NR1D1: variants seen among roughly 807,000 people sequenced by gnomAD.
NR1D1 encodes Rev-ErbAalpha.
A neutral mutation model predicts 51.1 loss-of-function variants in NR1D1; 17 were observed. That is an observed-to-expected ratio of 0.33 (90% CI 0.23 to 0.50). The LOEUF (loss-of-function observed/expected upper bound fraction) is 0.50, where lower values mean the gene tolerates loss of function less well. NR1D1 is among the 20% of genes least tolerant of loss of function. The probability of loss-of-function intolerance (pLI) is 0.98; values close to 1 mark genes in which losing one functional copy is unlikely to be tolerated. For missense variants in NR1D1, 647 were observed against 830.4 expected, an observed-to-expected ratio of 0.78 and a Z score of 2.71; for synonymous variants, 341 against 333.4, an observed-to-expected ratio of 1.02 and a Z score of -0.25.
At chr17:40,094,372 T>C (rs1987703089) in intron 6 of NR1D1, among the ~76,000 whole-genome samples, 1 of 152,170 alleles carries the variant, frequency 6.6e-6, no homozygotes, top group Admixed American at 6.5e-5. Context: ...TAATCTGCTC[T>C]TGTCTAGAAT....
Position 40,100,481 on chromosome 17 carries a change from G to A in NR1D1, c.-387C>T. 1 of 457,762 alleles carries A rather than the reference G, an allele frequency of 2.2e-6. No individual in the cohort carries two copies. The highest frequency in any genetic ancestry group is 3.9e-6 in the Non-Finnish European group (1 of 258,670). The allele number at this position is 457,762 out of a possible 1,614,324, so 28.4% of individuals were successfully genotyped here. A position where few individuals can be genotyped will look rare whatever the true frequency, so the allele number is the denominator to read the frequency against. On this transcript the variant is annotated 5_prime_UTR_variant, in exon 1 of 8. Coordinates refer to ENST00000246672, the MANE Select transcript of NR1D1 (RefSeq NM_021724.5). ...CCGGTGCAAAAGTCCCAGAGGAAGA[G>A]AGGTTGCAACCAGGAAGTAAGTAGG...
chr17:40,099,290 T>C (rs924961668), intron 1 of NR1D1, among the ~76,000 whole-genome samples: 2 of 152,140 alleles, frequency 1.3e-5, no homozygotes, highest in Non-Finnish European at 2.9e-5. Context: ...CCCCGAACGA[T>C]AGCAGGGCCA....
At chr17:40,099,471 C>T (rs979690166) in intron 1 of NR1D1, among the ~76,000 whole-genome samples, 1 of 152,100 alleles carries the variant, frequency 6.6e-6, no homozygotes, top group East Asian at 1.9e-4. Flanking sequence ...CATGTGAGCC[C>T]TCCCGGCGGC....
At chr17:40,094,219 CG>C in intron 6 of NR1D1, 97 bp from the exon 7 acceptor site, 1 of 1,088,108 alleles carries the variant, frequency 9.2e-7, no homozygotes. Context: ...GTGCTGCCTT[CG>C]ATTTCTCAGT....
chr17:40,096,174 C>CCT (rs1987759174), intron 4 of NR1D1, 87 bp from the exon 5 acceptor site: 7 of 1,529,212 alleles, frequency 4.6e-6, no homozygotes, highest in Non-Finnish European at 6.2e-6. Flanking sequence ...GGGCAAGGCC[C>CCT]TGAAGGCTTG....
Position 40,092,852 on chromosome 17 carries a change from G to A in NR1D1, c.*231C>T, listed in dbSNP as rs551768610. On this transcript the variant is annotated 3_prime_UTR_variant, in exon 8 of 8. Coordinates refer to ENST00000246672, the MANE Select transcript of NR1D1 (RefSeq NM_021724.5). ...GAACAAATCAGAGGGCCAGGGGAGG[G>A]TTGTGGGGGAGACAGAGTGGTTTAA... is the stretch of plus-strand genomic sequence containing the variant. The A allele has an allele frequency of 2.1e-6, 2 of 963,342 alleles. No individual in the cohort carries two copies. Among genetic ancestry groups the A allele is most frequent in the African/African-American group, 3.3e-5 (2 of 60,372 alleles). 59.7% of individuals were successfully genotyped at this position (963,342 alleles called of 1,614,324 possible).
Position 40,095,955 on chromosome 17 carries a change from G to A in NR1D1, c.737C>T (p.Thr246Ile). 1 of 1,611,662 alleles carries A rather than the reference G, an allele frequency of 6.2e-7. No individual in the cohort carries two copies. Among genetic ancestry groups the A allele is most frequent in the Non-Finnish European group, 8.5e-7 (1 of 1,179,568 alleles). Reference sequence around the variant, plus strand: ...TGGCGAGGGGCCCATGGGGCCTGGGGTGGGGTGCTGGGTGGGTGAAGTCTC... The same window carrying A: ...TGGCGAGGGGCCCATGGGGCCTGGGATGGGGTGCTGGGTGGGTGAAGTCTC... ...PLETSPTQHP[T>I]PGPMGPSPPP... The change falls in exon 5 of 8, where the codon ACC becomes ATC. Residue 246 changes from threonine to isoleucine, a missense_variant. Physicochemically the swap from Thr to Ile is moderately conservative, Grantham distance 89 (BLOSUM62 -1). Around this residue, in one of 7 missense-constraint regions of NR1D1, gnomAD observed 48 missense variants for 42.9 expected, o/e 1.12. Transcript: ENST00000246672.
At chr17:40,096,868 G>T in intron 2 of NR1D1, 89 bp from the exon 3 acceptor site, 1 of 1,403,422 alleles carries the variant, frequency 7.1e-7, no homozygotes, top group Non-Finnish European at 1.0e-6. Flanking sequence ...GATCCAGGGA[G>T]GGAAAAGCTA....
chr17:40,097,082 C>T lies in NR1D1; in HGVS notation c.353G>A (p.Ser118Asn), dbSNP rs1247193939. The stretch of plus-strand genomic sequence containing the variant: ...GTACTCACTGGTGATGTTGCTGGTG[C>T]TCTTGCTGGGGGACACTCGGCTGCT... Reference protein sequence around the residue: ...EDSSRVSPSKSTSNITKLNGM... With the variant: ...EDSSRVSPSKNTSNITKLNGM... Residue 118 changes from serine to asparagine, a missense_variant, in exon 2 of 8, where the codon AGC becomes AAC. Physicochemically the swap from Ser to Asn is conservative, Grantham distance 46. Transcript: ENST00000246672. 7 of 1,600,574 alleles carry T rather than the reference C, an allele frequency of 4.4e-6. No individual in the cohort carries two copies. The highest frequency in any genetic ancestry group is 6.0e-6 in the Non-Finnish European group (7 of 1,172,846).
Position 40,095,635 on chromosome 17 carries a change from C to T in NR1D1, c.1057G>A (p.Glu353Lys), listed in dbSNP as rs761550425. The T allele has an allele frequency of 1.1e-5, 17 of 1,612,038 alleles. No individual in the cohort carries two copies. The highest frequency in any genetic ancestry group is 3.3e-5 in the South Asian group (3 of 90,846). The change falls in exon 5 of 8, where the codon GAG becomes AAG. Residue 353 changes from glutamate to lysine, a missense_variant. By Grantham distance (56) the Glu-to-Lys change is moderately conservative. Transcript: ENST00000246672. ...NNTLAAQRHN[E>K]ALNGLRQAPS... ...GCCTGGCGCAGACCATTTAGGGCCT[C>T]GTTATGACGCTGGGCAGCCAAGGTG... is the stretch of plus-strand genomic sequence containing the variant.
rs187313750 is a variant in NR1D1 at position 40,095,432 on chromosome 17, C to A, written c.1248+12G>T. ...ATCTTCTTAACGCACTCGCCCGCCC[C>A]CATGCCCTTACCAGCAGAACATTCT... On this transcript the variant is annotated intron_variant, in intron 5 of 7. Coordinates refer to ENST00000246672, the MANE Select transcript of NR1D1 (RefSeq NM_021724.5). 1,044 of 1,522,024 alleles carry A rather than the reference C, an allele frequency of 6.9e-4. No homozygotes were observed. The highest frequency in any genetic ancestry group is 8.7e-4 in the Non-Finnish European group (991 of 1,135,678). The allele number at this position is 1,522,024 out of a possible 1,614,324, so 94.3% of individuals were successfully genotyped here.
chr17:40,094,930 C>G lies in NR1D1; in HGVS notation c.1434+5G>C. 1 of 1,613,310 alleles carries G rather than the reference C, an allele frequency of 6.2e-7. No homozygotes were observed. The highest frequency in any genetic ancestry group is 8.5e-7 in the Non-Finnish European group (1 of 1,179,652). On this transcript the variant is annotated splice_donor_5th_base_variant and intron_variant, in intron 6 of 7. Transcript: ENST00000246672. The stretch of plus-strand genomic sequence containing the variant: ...CAAAAACCAGAAGCATAAACGGTCA[C>G]TCACCTCAAAGGTGCCAGCCTTAAG...
chr17:40,096,862 C>A, intron 2 of NR1D1, 83 bp from the exon 3 acceptor site: 1 of 1,432,556 alleles, frequency 7.0e-7, no homozygotes. Context: ...GCCGGAGATC[C>A]AGGGAGGGAA....
In NR1D1 at chr17:40,097,315, G is replaced by A. The variant is rs1987784567; in HGVS notation, c.120C>T (p.Ser40=). Residue 40 remains serine (S), a synonymous_variant, in exon 2 of 8, where the codon AGC becomes AGT. Coordinates refer to ENST00000246672, the MANE Select transcript of NR1D1 (RefSeq NM_021724.5). ...ESLYSDNSNG[S]FQSLTQGCPT... is the part of the protein sequence containing the mutation. ...GACAGCCTTGGGTCAGGGACTGGAA[G>A]CTGCCATTGGAGTTGTCACTATAGA... 4 of 1,614,036 alleles carry A rather than the reference G, an allele frequency of 2.5e-6. No individual in the cohort carries two copies. The highest frequency in any genetic ancestry group is 2.2e-5 in the East Asian group (1 of 44,900).
Position 40,100,145 on chromosome 17 carries a change from G to A in NR1D1, c.-51C>T. ...TCAAACTGGACCTTGACTCAAACTA[G>A]AGGTTGCGATCGCCGCTGTTGCCCC... On this transcript the variant is annotated 5_prime_UTR_variant, in exon 1 of 8. Transcript: ENST00000246672. 1.3e-6 allele frequency: 2 copies of A among 1,513,992 alleles called. No individual in the cohort carries two copies. Among genetic ancestry groups the A allele is most frequent in the Non-Finnish European group, 1.8e-6 (2 of 1,089,330 alleles). 93.8% of individuals were successfully genotyped at this position (1,513,992 alleles called of 1,614,324 possible).
intron 1 of NR1D1, among the ~76,000 whole-genome samples, chr17:40,099,359 A>G (rs1383313423): frequency 1.3e-5 from 2 of 152,182 alleles, no homozygotes; most frequent in African/African-American, 2.4e-5. Context: ...GGGGGGGCGG[A>G]GCTCATTATG....
Position 40,100,172 on chromosome 17 carries a change from T to A in NR1D1, c.-78A>T. The stretch of plus-strand genomic sequence containing the variant: ...GGTTGCGATCGCCGCTGTTGCCCCC[T>A]GGGCACTGGCTAAGGGCGGGGAGTG... On this transcript the variant is annotated 5_prime_UTR_variant, in exon 1 of 8. Coordinates refer to ENST00000246672, the MANE Select transcript of NR1D1 (RefSeq NM_021724.5). 6 of 1,137,354 alleles carry A rather than the reference T, an allele frequency of 5.3e-6. No homozygotes were observed. Among genetic ancestry groups the A allele is most frequent in the Non-Finnish European group, 8.0e-6 (6 of 747,086 alleles). The allele number at this position is 1,137,354 out of a possible 1,614,324, so 70.5% of individuals were successfully genotyped here. A position where few individuals can be genotyped will look rare whatever the true frequency, so the allele number is the denominator to read the frequency against.
At position 40,100,290 on chromosome 17, in the gene NR1D1, G is replaced by A; in HGVS notation, c.-196C>T. 1.6e-6 allele frequency: 1 copy of A among 628,642 alleles called. No individual in the cohort carries two copies. Among genetic ancestry groups the A allele is most frequent in the Non-Finnish European group, 2.9e-6 (1 of 350,056 alleles). The allele number at this position is 628,642 out of a possible 1,614,324, so 38.9% of individuals were successfully genotyped here. On this transcript the variant is annotated 5_prime_UTR_variant, in exon 1 of 8. Coordinates refer to ENST00000246672, the MANE Select transcript of NR1D1 (RefSeq NM_021724.5). Reference sequence around the variant, plus strand: ...CCCTGCAGAAGGGTTGGACGTTGAGGCAACGGAGTTCTGCTTTGCATGGGA... The same window carrying A: ...CCCTGCAGAAGGGTTGGACGTTGAGACAACGGAGTTCTGCTTTGCATGGGA...
chr17:40,100,086 GGTC>G lies in NR1D1; in HGVS notation c.6_8del (p.Thr3del). On this transcript the variant is annotated inframe_deletion, in exon 1 of 8. Transcript: ENST00000246672. The stretch of plus-strand genomic sequence containing the variant: ...TACCTGTGTTGTTGTTGGAGTCCAG[GGTC>G]GTCATGTCTTCACCAGCTGAGAGCG... The G allele has an allele frequency of 3.1e-6, 5 of 1,611,132 alleles. No homozygotes were observed. Among genetic ancestry groups the G allele is most frequent in the Non-Finnish European group, 3.4e-6 (4 of 1,177,310 alleles).
Sources: allele counts gnomAD v4.1 joint callset (sites outside exome capture counted in the v4.1 genomes callset), GRCh38; gene constraint gnomAD v4.1.1; regional missense constraint gnomAD v4.1.1; transcripts MANE v1.5; gene names NCBI Gene and HGNC (gene_info 2026-07-23, HGNC 2026-07-21).